Variants in TANC1 observed in about 807,000 individuals in gnomAD.
The protein encoded by TANC1 is protein TANC1.
A neutral mutation model predicts 149.7 loss-of-function variants in TANC1; 77 were observed. The observed-to-expected ratio is 0.51, with a 90% CI of 0.43 to 0.62. TANC1 has a LOEUF of 0.62. TANC1 is among the 20% of genes least tolerant of loss of function. The probability of loss-of-function intolerance (pLI) is 0.00; values close to 1 mark genes in which losing one functional copy is unlikely to be tolerated. For missense variants in TANC1, 1,985 were observed against 2,321.8 expected (o/e 0.85, Z 2.98); for synonymous variants, 854 against 925.0 (o/e 0.92, Z 1.39).
intron 2 of TANC1, among the ~76,000 whole-genome samples, chr2:159,020,143 A>G (rs2038694801): frequency 1.3e-5 from 2 of 152,050 alleles, no homozygotes; most frequent in Non-Finnish European, 1.5e-5. Flanking sequence ...TTTGAGATGG[A>G]GTCTCGTTCT....
At chr2:159,041,503 C>T (rs1333476211) in intron 2 of TANC1, among the ~76,000 whole-genome samples, 5 of 152,332 alleles carry the variant, frequency 3.3e-5, no homozygotes, top group South Asian at 2.1e-4. Flanking sequence ...GGATGCCCCT[C>T]CCCCAGCTAG....
At chr2:159,211,706 T>C (rs970311539) in intron 19 of TANC1, among the ~76,000 whole-genome samples, 3 of 152,250 alleles carry the variant, frequency 2.0e-5, no homozygotes, top group Non-Finnish European at 2.9e-5. Flanking sequence ...GAGTTCGCCG[T>C]GATGGCCCCA....
chr2:159,035,019 A>G (rs999375346), intron 2 of TANC1, among the ~76,000 whole-genome samples: 4 of 152,220 alleles, frequency 2.6e-5, no homozygotes, highest in African/African-American at 9.7e-5. Context: ...GCTTTGGTCC[A>G]TGAACACATA....
intron 1 of TANC1, among the ~76,000 whole-genome samples, chr2:158,992,563 C>T (rs745774070): frequency 5.3e-5 from 8 of 151,764 alleles, no homozygotes; most frequent in Admixed American, 2.0e-4. Context: ...AGTGTAGTGG[C>T]GCGATCTTGG....
intron 3 of TANC1, among the ~76,000 whole-genome samples, chr2:159,094,538 C>T (rs1042642315): frequency 9.2e-5 from 14 of 152,300 alleles, no homozygotes; most frequent in Admixed American, 3.9e-4. Context: ...CTCCACTGCG[C>T]GCTGGCATCA....
intron 22 of TANC1, among the ~76,000 whole-genome samples, chr2:159,222,230 C>A (rs1433348943): frequency 6.6e-6 from 1 of 152,198 alleles, no homozygotes; most frequent in Non-Finnish European, 1.5e-5. Context: ...AGCATTCCAA[C>A]ATAATTTTTT....
At chr2:159,196,441 T>C (rs746845806) in intron 17 of TANC1, among the ~76,000 whole-genome samples, 167 bp from the exon 18 acceptor site, 1 of 152,244 alleles carries the variant, frequency 6.6e-6, no homozygotes, top group Non-Finnish European at 1.5e-5. Context: ...CATTACCATC[T>C]GGAAGTAATC....
intron 1 of TANC1, among the ~76,000 whole-genome samples, chr2:158,987,188 TGG>T (rs1299971274): frequency 9.3e-5 from 12 of 128,962 alleles, no homozygotes; most frequent in South Asian, 7.3e-4. Flanking sequence ...CACTCCAGCC[TGG>T]GTGACAGAGC....
At chr2:159,206,041 T>G (rs915983798) in intron 19 of TANC1, among the ~76,000 whole-genome samples, 1 of 151,590 alleles carries the variant, frequency 6.6e-6, no homozygotes, top group African/African-American at 2.4e-5. Context: ...TCTAAGAAGG[T>G]TCAGTAAGAT....
chr2:159,211,989 T>A (rs938523115), intron 19 of TANC1, among the ~76,000 whole-genome samples: 2 of 152,192 alleles, frequency 1.3e-5, no homozygotes, highest in African/African-American at 4.8e-5. Context: ...CAACTTGTGG[T>A]TTCTCTGATG....
intron 2 of TANC1, among the ~76,000 whole-genome samples, chr2:159,032,151 T>A (rs536472929): frequency 6.6e-6 from 1 of 152,340 alleles, no homozygotes; most frequent in South Asian, 2.1e-4. Flanking sequence ...ATAGTCCATC[T>A]GCTCAAAGAA....
intron 19 of TANC1, among the ~76,000 whole-genome samples, chr2:159,207,728 C>A (rs6708965): frequency 0.059 from 3,168 of 53,820 alleles, 8 homozygotes; most frequent in African/African-American, 0.14. Context: ...AAAAAAAAAA[C>A]AACTCAGACT....
intron 1 of TANC1, among the ~76,000 whole-genome samples, chr2:158,974,589 C>T (rs111957580): frequency 1.3e-5 from 2 of 151,942 alleles, no homozygotes; most frequent in African/African-American, 2.4e-5. Flanking sequence ...TGTGCCACCA[C>T]GCCTGGCTAA....
chr2:159,196,540 G>A, intron 17 of TANC1, 68 bp from the exon 18 acceptor site: 1 of 1,378,086 alleles, frequency 7.3e-7, no homozygotes, highest in Non-Finnish European at 1.0e-6. Flanking sequence ...ACACAGCTAG[G>A]TGGTGCATCT....
chr2:159,228,359 T>C (rs905383378), intron 25 of TANC1: 15 of 255,840 alleles, frequency 5.9e-5, no homozygotes, highest in African/African-American at 3.1e-4. Context: ...AGTAACTAAT[T>C]TGTAACCGGT....
chr2:159,159,144 A>G (rs1357879989), intron 7 of TANC1, among the ~76,000 whole-genome samples: 1 of 152,128 alleles, frequency 6.6e-6, no homozygotes, highest in African/African-American at 2.4e-5. Context: ...TTCTATTTTA[A>G]GTGTCCATTC....
At position 158,968,753 on chromosome 2, in the gene TANC1, G is replaced by A. The variant is rs557123237; in HGVS notation, c.-155G>A. 6.6e-6 allele frequency: 1 copy of A among 152,304 alleles called. No individual in the cohort carries two copies. The highest frequency in any genetic ancestry group is 2.1e-4 in the South Asian group (1 of 4,834). 9.4% of individuals were successfully genotyped at this position (152,304 alleles called of 1,614,324 possible). On this transcript the variant is annotated 5_prime_UTR_variant, in exon 1 of 27. Transcript: ENST00000263635. Reference sequence around the variant, plus strand: ...GGCCCGGCCCTGGGTGTGGGGAACCGCGCTGAGGAGCTGGAAACTTTCCCG... The same window carrying A: ...GGCCCGGCCCTGGGTGTGGGGAACCACGCTGAGGAGCTGGAAACTTTCCCG...
Position 159,175,060 on chromosome 2 carries a change from C to T in TANC1, c.1611C>T (p.Ala537=). 6.2e-7 allele frequency: 1 copy of T among 1,614,198 alleles called. No individual in the cohort carries two copies. Among genetic ancestry groups the T allele is most frequent in the Non-Finnish European group, 8.5e-7 (1 of 1,180,032 alleles). The change falls in exon 12 of 27, where the codon GCC becomes GCT. Residue 537 remains alanine (A), a synonymous_variant. Transcript: ENST00000263635. ...TCTGCCGGTCCCATCAGCTGGCCGCCTACAGAGACCTTCTGATAAAGGAGC... is the reference window on the plus strand; with the variant it reads ...TCTGCCGGTCCCATCAGCTGGCCGCTTACAGAGACCTTCTGATAAAGGAGC... ...ALLCRSHQLA[A]YRDLLIKEPQ...
intron 2 of TANC1, among the ~76,000 whole-genome samples, chr2:159,035,142 T>C (rs2040080346): frequency 6.6e-6 from 1 of 152,186 alleles, no homozygotes; most frequent in Non-Finnish European, 1.5e-5. Flanking sequence ...AAATTTGAAG[T>C]GTGTCTGTTC....
Sources: gnomAD v4.1 joint callset for allele counts (sites outside exome capture counted in the v4.1 genomes callset) on GRCh38, gnomAD v4.1.1 for gene constraint, MANE v1.5 for transcripts, NCBI Gene and HGNC (gene_info 2026-07-23, HGNC 2026-07-21) for gene names.